Variants in OTUD4 observed in about 807,000 individuals in gnomAD.
OTUD4 encodes OTU deubiquitinase 4.
Under a neutral mutation model 130.4 loss-of-function variants are expected in OTUD4, and 24 were observed. That is an observed-to-expected ratio of 0.18 (90% CI 0.13 to 0.26). The LOEUF (loss-of-function observed/expected upper bound fraction) is 0.26. Among genes scored for constraint, OTUD4 ranks in the 10% least tolerant of loss-of-function variants. OTUD4 has a pLI of 1.00. For synonymous variants in OTUD4, 420 were observed against 472.5 expected, an observed-to-expected ratio of 0.89 and a Z score of 1.44; for missense variants, 1,031 against 1,329.4, an observed-to-expected ratio of 0.78 and a Z score of 3.49.
rs201207526 is a variant in OTUD4 at position 145,150,715 on chromosome 4, A to G, written c.1073-16T>C. 5 of 1,606,708 alleles carry G rather than the reference A, an allele frequency of 3.1e-6. No homozygotes were observed. Among genetic ancestry groups the G allele is most frequent in the Non-Finnish European group, 4.3e-6 (5 of 1,173,996 alleles). On this transcript the variant is annotated splice_polypyrimidine_tract_variant and intron_variant, in intron 12 of 20. Coordinates refer to ENST00000447906, the MANE Select transcript of OTUD4 (RefSeq NM_001366057.1). ...TAATCCACATCTGTTGTAAGAACCC[A>G]AAAGTACATGATAATATTCATATTA...
chr4:145,134,166 A>T lies in OTUD4; in HGVS notation c.*3264T>A, dbSNP rs1750129561. ...CAATTAGTGGGAGAGTAAATGGCTGACATTAGTAGCAAAACCTTAGTTATC... is the reference window on the plus strand; with the variant it reads ...CAATTAGTGGGAGAGTAAATGGCTGTCATTAGTAGCAAAACCTTAGTTATC... On this transcript the variant is annotated 3_prime_UTR_variant, in exon 21 of 21. Coordinates refer to ENST00000447906, the MANE Select transcript of OTUD4 (RefSeq NM_001366057.1). 6.5e-6 allele frequency: 1 copy of T among 152,684 alleles called. No homozygotes were observed. Among genetic ancestry groups the T allele is most frequent in the African/African-American group, 2.4e-5 (1 of 41,460 alleles). The allele number at this position is 152,684 out of a possible 1,614,324, so 9.5% of individuals were successfully genotyped here.
chr4:145,146,520 A>G, intron 13 of OTUD4, 91 bp from the exon 14 acceptor site: 1 of 783,064 alleles, frequency 1.3e-6, no homozygotes, highest in Non-Finnish European at 1.9e-6. Context: ...AAAACACAAA[A>G]CTGTACTGAG....
In OTUD4 at chr4:145,174,640, A is replaced by G. The variant is rs751408905; in HGVS notation, c.243+21T>C. ...TAAAACCAAGTCAAGACACCATTAC[A>G]TGTTTGAAATTACAAGTTACCGCTT... On this transcript the variant is annotated intron_variant, in intron 2 of 20. Transcript: ENST00000447906. The G allele has an allele frequency of 3.6e-5, 49 of 1,375,874 alleles. 1 individual carries two copies. Among genetic ancestry groups the G allele is most frequent in the South Asian group, 7.0e-5 (6 of 86,276 alleles). 85.2% of individuals were successfully genotyped at this position (1,375,874 alleles called of 1,614,324 possible). A position where few individuals can be genotyped will look rare whatever the true frequency, so the allele number is the denominator to read the frequency against.
At chr4:145,175,827 T>A (rs568493645) in intron 1 of OTUD4, among the ~76,000 whole-genome samples, 1 of 151,764 alleles carries the variant, frequency 6.6e-6, no homozygotes, top group African/African-American at 2.4e-5. Flanking sequence ...ACAACAGGCA[T>A]GAGCCACTGT....
At position 145,142,264 on chromosome 4, in the gene OTUD4, G is replaced by T. The variant is rs1395769496; in HGVS notation, c.1754C>A (p.Pro585His). The change falls in exon 18 of 21, where the codon CCT (proline) becomes CAT (histidine). Residue 585 changes from proline (P) to histidine (H), a missense_variant. Coordinates refer to ENST00000447906, the MANE Select transcript of OTUD4 (RefSeq NM_001366057.1). ...AGTGGCTGGTAAAGAAGGCACCGCA[G>T]GAGTTAGATGTACCTCTGGAGAAAC... ...LLVSPEVHLT[P>H]AVPSLPATVP... 1 of 1,613,622 alleles carries T rather than the reference G, an allele frequency of 6.2e-7. No individual in the cohort carries two copies.
At chr4:145,156,827 T>C (rs1466738355) in intron 7 of OTUD4, among the ~76,000 whole-genome samples, 1 of 152,202 alleles carries the variant, frequency 6.6e-6, no homozygotes, top group African/African-American at 2.4e-5. Flanking sequence ...TGCCATGCAG[T>C]GTACACAGCT....
Position 145,136,892 on chromosome 4 carries a change from G to A in OTUD4, c.*538C>T, listed in dbSNP as rs1750299539. On this transcript the variant is annotated 3_prime_UTR_variant, in exon 21 of 21. Transcript: ENST00000447906. ...ATTGAGATGAAAGGCCTTTGGGTTG[G>A]AAGCATTTTAAAAGACAACAGTGTT... is the stretch of plus-strand genomic sequence containing the variant. 1 of 152,650 alleles carries A rather than the reference G, an allele frequency of 6.6e-6. No individual in the cohort carries two copies. Among genetic ancestry groups the A allele is most frequent in the African/African-American group, 2.4e-5 (1 of 41,446 alleles). 9.5% of individuals were successfully genotyped at this position (152,650 alleles called of 1,614,324 possible).
chr4:145,167,313 A>G (rs972346919), intron 3 of OTUD4, among the ~76,000 whole-genome samples: 3 of 152,208 alleles, frequency 2.0e-5, no homozygotes, highest in South Asian at 2.1e-4. Context: ...AGACCAGCAC[A>G]ATCTTTTCCC....
rs776922886 is a variant in OTUD4, at chr4:145,155,885, T to A, written c.690+51A>T. 3 of 1,410,462 alleles carry A rather than the reference T, an allele frequency of 2.1e-6. No homozygotes were observed. In the African/African-American group the frequency reaches 4.3e-5, roughly 20 times the overall value. The allele number at this position is 1,410,462 out of a possible 1,614,324, so 87.4% of individuals were successfully genotyped here. A position where few individuals can be genotyped will look rare whatever the true frequency, so the allele number is the denominator to read the frequency against. On this transcript the variant is annotated intron_variant, in intron 8 of 20. Transcript: ENST00000447906. The stretch of plus-strand genomic sequence containing the variant: ...AAAAAAATTAAGATTTTAATGTACA[T>A]GCTTTCTTATATTAAAGAACTACAT...
rs138809602 is a variant in OTUD4 at position 145,162,503 on chromosome 4, G to A, written c.496+137C>T. 815 of 473,806 alleles carry A rather than the reference G, an allele frequency of 1.7e-3. 7 individuals carry two copies. Among genetic ancestry groups the A allele is most frequent in the African/African-American group, 0.015 (742 of 48,514 alleles). 29.4% of individuals were successfully genotyped at this position (473,806 alleles called of 1,614,324 possible). A position where few individuals can be genotyped will look rare whatever the true frequency, so the allele number is the denominator to read the frequency against. Reference sequence around the variant, plus strand: ...GGAGGCAGAGCTTGCAGTGAGCGGAGATCACGCCACTGCACTCCAGCCTGG... The same window carrying A: ...GGAGGCAGAGCTTGCAGTGAGCGGAAATCACGCCACTGCACTCCAGCCTGG... On this transcript the variant is annotated intron_variant, in intron 6 of 20. Coordinates refer to ENST00000447906, the MANE Select transcript of OTUD4 (RefSeq NM_001366057.1).
At chr4:145,174,069 G>A (rs1025333528) in intron 2 of OTUD4, among the ~76,000 whole-genome samples, 2 of 149,352 alleles carry the variant, frequency 1.3e-5, no homozygotes, top group Non-Finnish European at 3.0e-5. Context: ...GTGCAGCGGC[G>A]CAACTCGGCT....
At chr4:145,165,059 A>C in intron 4 of OTUD4, 92 bp downstream of exon 4, 1 of 682,846 alleles carries the variant, frequency 1.5e-6, no homozygotes, top group Non-Finnish European at 2.4e-6. Context: ...CTAAAGTATA[A>C]AAGAGCTTTG....
rs74519385 is a variant in OTUD4 at position 145,134,081 on chromosome 4, C to T, written c.*3349G>A. The T allele has an allele frequency of 6.5e-6, 1 of 152,720 alleles. No individual in the cohort carries two copies. Among genetic ancestry groups the T allele is most frequent in the African/African-American group, 2.4e-5 (1 of 41,546 alleles). The allele number at this position is 152,720 out of a possible 1,614,324, so 9.5% of individuals were successfully genotyped here. On this transcript the variant is annotated 3_prime_UTR_variant, in exon 21 of 21. Coordinates refer to ENST00000447906, the MANE Select transcript of OTUD4 (RefSeq NM_001366057.1). ...AGCATTAAGACATGCACCCACCCCT[C>T]TTCTAAGATTTTCTAAAACTTGTAT...
At chr4:145,179,771 G>GT in intron 1 of OTUD4, 44 bp downstream of exon 1, 9 of 1,020,958 alleles carry the variant, frequency 8.8e-6, no homozygotes, top group South Asian at 2.9e-5. Flanking sequence ...CCGCCGGGCC[G>GT]TCCCCGCCTC....
At chr4:145,142,072 C>A (rs1310065929) in intron 18 of OTUD4, 124 bp downstream of exon 18, 1 of 800,204 alleles carries the variant, frequency 1.2e-6, no homozygotes, top group South Asian at 1.7e-5. Flanking sequence ...CAGAGTATCA[C>A]AGAAAGCTCT....
intron 3 of OTUD4, among the ~76,000 whole-genome samples, chr4:145,169,734 A>T (rs1428555956): frequency 6.6e-6 from 1 of 152,254 alleles, no homozygotes; most frequent in African/African-American, 2.4e-5. Context: ...TGCCTCCTAT[A>T]GTACCGGGAT....
intron 10 of OTUD4, 48 bp from the exon 11 acceptor site, chr4:145,152,683 G>A: frequency 9.7e-7 from 1 of 1,030,816 alleles, no homozygotes; most frequent in Non-Finnish European, 1.5e-6. Flanking sequence ...TCAGTCACCT[G>A]CTTCCTTTGC....
chr4:145,144,220 C>T, intron 15 of OTUD4, 91 bp downstream of exon 15: 1 of 1,406,416 alleles, frequency 7.1e-7, no homozygotes, highest in Non-Finnish European at 9.7e-7. Flanking sequence ...TACTTAACAA[C>T]TTAAAAAGGG....
intron 13 of OTUD4, among the ~76,000 whole-genome samples, chr4:145,147,215 T>C (rs1324195299): frequency 3.3e-5 from 5 of 152,192 alleles, no homozygotes; most frequent in African/African-American, 1.2e-4. Context: ...CAAAGAAATA[T>C]TATCCTCCTC....
Sources: allele counts gnomAD v4.1 joint callset (sites outside exome capture counted in the v4.1 genomes callset), GRCh38; gene constraint gnomAD v4.1.1; transcripts MANE v1.5; gene names NCBI Gene and HGNC (gene_info 2026-07-23, HGNC 2026-07-21).